CD1B: variants seen among roughly 807,000 people sequenced by gnomAD.
CD1B encodes CD1b molecule.
CD1B carries 43 observed loss-of-function variants against 39.8 expected under a neutral mutation model. The ratio of observed to expected loss-of-function variants is 1.08; its 90% CI spans 0.85 to 1.39. The LOEUF is 1.39. CD1B is among the 40% of genes most tolerant of loss of function. The pLI, the probability that CD1B is intolerant of heterozygous loss-of-function variation, is 0.00. For synonymous variants in CD1B, 192 were observed against 152.5 expected, an observed-to-expected ratio of 1.26 and a Z score of -1.91; for missense variants, 495 against 403.8, an observed-to-expected ratio of 1.23 and a Z score of -1.94.
the CD1B span, among the ~76,000 whole-genome samples, chr1:158,300,952 G>A: frequency 2.0e-5 from 3 of 151,496 alleles, no homozygotes; most frequent in African/African-American, 4.9e-5. Context: ...TATAGATGGG[G>A]TTTCACCATA....
the CD1B span, among the ~76,000 whole-genome samples, chr1:158,316,736 A>C: frequency 6.6e-6 from 1 of 151,448 alleles, no homozygotes; most frequent in South Asian, 2.1e-4. Context: ...GTCTTGTGCC[A>C]GTTTTCAAAG....
chr1:158,305,418 A>G, the CD1B span, among the ~76,000 whole-genome samples: 1 of 152,226 alleles, frequency 6.6e-6, no homozygotes, highest in African/African-American at 2.4e-5. Context: ...CCTCCAAGAA[A>G]TATGGGACTA....
chr1:158,320,430 G>A, the CD1B span, among the ~76,000 whole-genome samples: 21 of 152,214 alleles, frequency 1.4e-4, no homozygotes, highest in Non-Finnish European at 2.2e-4. Flanking sequence ...TCCAGGTGCC[G>A]TCCGTCACCC....
chr1:158,308,094 T>A, the CD1B span, among the ~76,000 whole-genome samples: 1 of 152,200 alleles, frequency 6.6e-6, no homozygotes, highest in African/African-American at 2.4e-5. Context: ...CCCCATCGTC[T>A]CAGCCCCAAA....
At chr1:158,308,057 A>C in the CD1B span, among the ~76,000 whole-genome samples, 1 of 152,316 alleles carries the variant, frequency 6.6e-6, no homozygotes, top group Middle Eastern at 3.4e-3. Flanking sequence ...CCCTGTTTGC[A>C]GATGACATGA....
the CD1B span, among the ~76,000 whole-genome samples, chr1:158,298,523 G>C: frequency 6.6e-6 from 1 of 152,174 alleles, no homozygotes; most frequent in Non-Finnish European, 1.5e-5. Flanking sequence ...TCATATGAAA[G>C]ATCAGGTAGT....
chr1:158,330,736 G>C (rs562633354), intron 2 of CD1B, 60 bp downstream of exon 2: 146 of 1,541,970 alleles, frequency 9.5e-5, no homozygotes, highest in Non-Finnish European at 1.3e-4. Context: ...GCAACACTTT[G>C]CAAAAAAGAG....
At chr1:158,288,255 A>C in the CD1B span, among the ~76,000 whole-genome samples, 3 of 152,208 alleles carry the variant, frequency 2.0e-5, no homozygotes, top group African/African-American at 7.2e-5. Flanking sequence ...CCATGATAGG[A>C]AGAGCTCATT....
chr1:158,314,113 C>G, the CD1B span, among the ~76,000 whole-genome samples: 1 of 152,030 alleles, frequency 6.6e-6, no homozygotes, highest in Non-Finnish European at 1.5e-5. Context: ...GAGACAGAGT[C>G]TAGCTCCATT....
chr1:158,303,416 G>A, the CD1B span, among the ~76,000 whole-genome samples: 1 of 152,134 alleles, frequency 6.6e-6, no homozygotes, highest in Non-Finnish European at 1.5e-5. Context: ...ACATAATACT[G>A]GAAGTCCTAG....
chr1:158,326,786 A>AATAATT (rs1652368415), downstream of CD1B, among the ~76,000 whole-genome samples: 2 of 149,542 alleles, frequency 1.3e-5, no homozygotes, highest in African/African-American at 5.1e-5. Flanking sequence ...GCACATATAA[A>AATAATT]ATTATTATTA....
At chr1:158,326,276 A>G (rs1017371755), downstream of CD1B, among the ~76,000 whole-genome samples, 25 of 152,106 alleles carry the variant, frequency 1.6e-4, no homozygotes, top group Non-Finnish European at 2.6e-4. Context: ...CCGGCCCACA[A>G]ATCTATTTAT....
chr1:158,326,562 C>G (rs1652359758), downstream of CD1B, among the ~76,000 whole-genome samples: 4 of 152,066 alleles, frequency 2.6e-5, no homozygotes, highest in Admixed American at 6.5e-5. Context: ...TGCTGAACAA[C>G]TATATATTTA....
the CD1B span, chr1:158,292,945 G>A: frequency 6.7e-7 from 1 of 1,482,690 alleles, no homozygotes; most frequent in Non-Finnish European, 9.3e-7. Flanking sequence ...GAAATTTTGA[G>A]GATAGCAGAC....
At chr1:158,299,485 A>G in the CD1B span, among the ~76,000 whole-genome samples, 1 of 150,662 alleles carries the variant, frequency 6.6e-6, no homozygotes, top group East Asian at 1.9e-4. Context: ...CAGCATCAGG[A>G]TTATGCTGGC....
At chr1:158,290,796 T>C in the CD1B span, among the ~76,000 whole-genome samples, 2 of 152,342 alleles carry the variant, frequency 1.3e-5, no homozygotes, top group Middle Eastern at 3.4e-3. Context: ...TTTCCGCTGC[T>C]AGTTCTTCTC....
At chr1:158,311,750 G>C in the CD1B span, among the ~76,000 whole-genome samples, 3 of 152,130 alleles carry the variant, frequency 2.0e-5, no homozygotes, top group African/African-American at 7.2e-5. Flanking sequence ...TTATTGAAGA[G>C]ACTGTTCTGT....
chr1:158,328,161 T>C lies in CD1B; in HGVS notation c.*75A>G, dbSNP rs1397772026. 2 of 1,059,334 alleles carry C rather than the reference T, an allele frequency of 1.9e-6. No individual in the cohort carries two copies. Among genetic ancestry groups the C allele is most frequent in the Admixed American group, 2.1e-5 (1 of 48,748 alleles). 65.6% of individuals were successfully genotyped at this position (1,059,334 alleles called of 1,614,324 possible). A position where few individuals can be genotyped will look rare whatever the true frequency, so the allele number is the denominator to read the frequency against. On this transcript the variant is annotated 3_prime_UTR_variant, in exon 6 of 6. Transcript: ENST00000368168. ...AATTTGAAAATCATTTGAAATATGA[T>C]AAGATTGACTTTTGGGCTGATATCT...
intron 2 of CD1B, 27 bp downstream of exon 2, chr1:158,330,769 C>CGGTGGACTAGACTCACAT (rs776737963): frequency 6.2e-7 from 1 of 1,611,758 alleles, no homozygotes; most frequent in African/African-American, 1.3e-5. Flanking sequence ...CCTTGAGACT[C>CGGTGGACTAGACTCACAT]TTCCCAGTTC....
Sources: allele counts gnomAD v4.1 joint callset (sites outside exome capture counted in the v4.1 genomes callset), GRCh38; gene constraint gnomAD v4.1.1; transcripts MANE v1.5; gene names NCBI Gene and HGNC (gene_info 2026-07-23, HGNC 2026-07-21).